Variants in GPD2 observed in about 807,000 individuals in gnomAD.
GPD2 encodes glycerol-3-phosphate dehydrogenase, mitochondrial.
GPD2 carries 54 observed loss-of-function variants against 82.4 expected under a neutral mutation model. That is an observed-to-expected ratio of 0.66 (90% CI 0.53 to 0.82). The LOEUF (loss-of-function observed/expected upper bound fraction) is 0.82, where lower values mean the gene tolerates loss of function less well. GPD2 is among the 40% of genes least tolerant of loss of function. GPD2 has a pLI of 0.00. For missense variants in GPD2, 748 were observed against 896.2 expected (o/e 0.83, Z 2.11); for synonymous variants, 288 against 306.1 (o/e 0.94, Z 0.62).
At chr2:156,460,751 C>G (rs1042453240) in intron 1 of GPD2, among the ~76,000 whole-genome samples, 1 of 152,196 alleles carries the variant, frequency 6.6e-6, no homozygotes, top group African/African-American at 2.4e-5. Flanking sequence ...ATGACACTGT[C>G]TGTTCATTGT....
chr2:156,414,368 C>T, the GPD2 span, among the ~76,000 whole-genome samples: 1 of 152,110 alleles, frequency 6.6e-6, no homozygotes, highest in Non-Finnish European at 1.5e-5. Flanking sequence ...AGGTTAAACC[C>T]AACAGTTCTG....
chr2:156,531,337 C>T (rs958545913), intron 6 of GPD2, among the ~76,000 whole-genome samples: 1 of 152,274 alleles, frequency 6.6e-6, no homozygotes, highest in African/African-American at 2.4e-5. Context: ...TTTTGATGTT[C>T]TCATCCCCTG....
intron 1 of GPD2, chr2:156,473,743 G>T (rs957675103): frequency 6.6e-6 from 1 of 152,220 alleles, no homozygotes; most frequent in African/African-American, 2.4e-5. Flanking sequence ...GGCTTACATT[G>T]TTGTGTGATA....
rs1558966259 is a variant in GPD2 at position 156,568,927 on chromosome 2, A to T, written c.1268A>T (p.Asp423Val). ...TQSISRNHVV[D>V]ISESGLITIA... Reference sequence around the variant, plus strand: ...TCTATCTCCCGAAATCATGTTGTTGATATCAGTGAGAGTGGCCTTATTACT... The same window carrying T: ...TCTATCTCCCGAAATCATGTTGTTGTTATCAGTGAGAGTGGCCTTATTACT... Residue 423 changes from aspartate (D) to valine (V), a missense_variant, in exon 10 of 17, where the codon GAT becomes GTT. By Grantham distance (152) the Asp-to-Val change is radical (BLOSUM62 -3). Around this residue, in one of 3 missense-constraint regions of GPD2, gnomAD observed 692 missense variants for 809.7 expected, o/e 0.85. Transcript: ENST00000438166. 6.2e-7 allele frequency: 1 copy of T among 1,611,472 alleles called. No homozygotes were observed. The highest frequency in any genetic ancestry group is 8.5e-7 in the Non-Finnish European group (1 of 1,178,000).
At chr2:156,528,105 T>C (rs1685681273) in intron 6 of GPD2, among the ~76,000 whole-genome samples, 1 of 152,180 alleles carries the variant, frequency 6.6e-6, no homozygotes, top group African/African-American at 2.4e-5. Context: ...ACTCTCATTC[T>C]AATAAAAGAA....
chr2:156,453,810 G>A (rs1446004730), intron 1 of GPD2, among the ~76,000 whole-genome samples: 1 of 152,186 alleles, frequency 6.6e-6, no homozygotes, highest in African/African-American at 2.4e-5. Context: ...CCGGGAGGTG[G>A]AGGTTGCAGT....
intron 3 of GPD2, among the ~76,000 whole-genome samples, chr2:156,499,837 G>T (rs1684523488): frequency 1.4e-5 from 2 of 148,076 alleles, no homozygotes; most frequent in South Asian, 2.2e-4. Context: ...TTAAAACAAT[G>T]CTATTTGTCA....
chr2:156,494,203 A>G (rs1307121688), intron 2 of GPD2, among the ~76,000 whole-genome samples: 1 of 152,216 alleles, frequency 6.6e-6, no homozygotes, highest in Non-Finnish European at 1.5e-5. Context: ...TTAGTAAAAC[A>G]TGTTTTGAAA....
intron 10 of GPD2, 102 bp from the exon 11 acceptor site, chr2:156,569,261 C>T (rs1424723176): frequency 1.6e-5 from 13 of 819,712 alleles, no homozygotes; most frequent in Non-Finnish European, 2.5e-5. Flanking sequence ...ATGTTTGTTA[C>T]AAACAACAGG....
At chr2:156,566,752 A>G (rs1177630678) in intron 9 of GPD2, among the ~76,000 whole-genome samples, 1 of 152,026 alleles carries the variant, frequency 6.6e-6, no homozygotes, top group African/African-American at 2.4e-5. Context: ...TGGTAATTCT[A>G]AATGTTTAAT....
chr2:156,426,826 A>T, the GPD2 span, among the ~76,000 whole-genome samples: 40 of 27,464 alleles, frequency 1.5e-3, no homozygotes, highest in African/African-American at 4.6e-3. Context: ...GGAGAAATTT[A>T]AAAAAAAAAG....
intron 6 of GPD2, among the ~76,000 whole-genome samples, chr2:156,540,193 A>G (rs1344718946): frequency 6.6e-6 from 1 of 152,164 alleles, no homozygotes; most frequent in Non-Finnish European, 1.5e-5. Flanking sequence ...TGCACCGAAG[A>G]CTTGATTGCT....
intron 3 of GPD2, among the ~76,000 whole-genome samples, chr2:156,500,522 A>T (rs1400374194): frequency 6.6e-6 from 1 of 152,210 alleles, no homozygotes; most frequent in Non-Finnish European, 1.5e-5. Flanking sequence ...TTACCAAATT[A>T]TTCCTGATTG....
intron 6 of GPD2, among the ~76,000 whole-genome samples, chr2:156,523,039 C>T (rs924466038): frequency 2.0e-5 from 3 of 152,062 alleles, no homozygotes; most frequent in African/African-American, 7.3e-5. Context: ...CCACTATCAA[C>T]ATCCCTCACT....
chr2:156,468,058 A>G (rs2105187450), intron 1 of GPD2, among the ~76,000 whole-genome samples: 1 of 152,256 alleles, frequency 6.6e-6, no homozygotes, highest in Non-Finnish European at 1.5e-5. Flanking sequence ...GTATCAGCAT[A>G]TGTTTGGTGT....
intron 6 of GPD2, among the ~76,000 whole-genome samples, chr2:156,526,239 T>C (rs997323845): frequency 6.6e-5 from 10 of 152,196 alleles, no homozygotes; most frequent in Non-Finnish European, 1.3e-4. Flanking sequence ...TATTTTTCTT[T>C]TTATAAGTGA....
At chr2:156,545,606 T>C (rs1686499464) in intron 6 of GPD2, among the ~76,000 whole-genome samples, 2 of 152,352 alleles carry the variant, frequency 1.3e-5, no homozygotes, top group Non-Finnish European at 1.5e-5. Flanking sequence ...ATCAGATCAA[T>C]AAGTCTGTGA....
In GPD2 at chr2:156,496,031, G is replaced by A; in HGVS notation, c.103-13G>A. On this transcript the variant is annotated splice_polypyrimidine_tract_variant and intron_variant, in intron 2 of 16. Transcript: ENST00000438166. ...CCAAATGGACAACTGAAAGTGATCT[G>A]CTTTTACATCAGATGAACCTGGCCT... 1 of 1,605,552 alleles carries A rather than the reference G, an allele frequency of 6.2e-7. No homozygotes were observed. The highest frequency in any genetic ancestry group is 8.5e-7 in the Non-Finnish European group (1 of 1,173,186).
intron 6 of GPD2, among the ~76,000 whole-genome samples, chr2:156,533,789 G>A (rs1250862844): frequency 6.6e-6 from 1 of 152,234 alleles, no homozygotes; most frequent in South Asian, 2.1e-4. Context: ...AATGGGTGTG[G>A]CTCATCTGTT....
Sources: gnomAD v4.1 joint callset for allele counts (sites outside exome capture counted in the v4.1 genomes callset) on GRCh38, gnomAD v4.1.1 for gene constraint, gnomAD v4.1.1 regional missense constraint, MANE v1.5 for transcripts, NCBI Gene and HGNC (gene_info 2026-07-23, HGNC 2026-07-21) for gene names.